Variants in TNRC6B observed in about 807,000 individuals in gnomAD.
The protein encoded by TNRC6B is trinucleotide repeat containing adaptor 6B.
Under a neutral mutation model 203.6 loss-of-function variants are expected in TNRC6B, and 52 were observed. That is an observed-to-expected ratio of 0.26 (90% CI 0.20 to 0.32). The LOEUF (loss-of-function observed/expected upper bound fraction) is 0.32, where lower values mean the gene tolerates loss of function less well. Ranked by LOEUF, TNRC6B falls within the 10% of genes least tolerant of loss-of-function variation. The pLI is 1.00. For missense variants in TNRC6B, 1,923 were observed against 2,286.2 expected, an observed-to-expected ratio of 0.84 and a Z score of 3.24; for synonymous variants, 838 against 845.7, an observed-to-expected ratio of 0.99 and a Z score of 0.16.
At chr22:40,278,696 A>G (rs1810740618) in intron 9 of TNRC6B, among the ~76,000 whole-genome samples, 1 of 152,132 alleles carries the variant, frequency 6.6e-6, no homozygotes, top group South Asian at 2.1e-4. Flanking sequence ...GTCTTTCAGC[A>G]GAGGCCAGAA....
chr22:40,071,539 C>A (rs2067947862), intron 1 of TNRC6B, among the ~76,000 whole-genome samples: 1 of 152,184 alleles, frequency 6.6e-6, no homozygotes. Context: ...GGAATATATA[C>A]TTATGATAAC....
intron 21 of TNRC6B, among the ~76,000 whole-genome samples, chr22:40,319,122 G>C (rs2071300210): frequency 6.6e-6 from 1 of 152,068 alleles, no homozygotes. Context: ...TGAATATGGG[G>C]GTGGCCGTGT....
At chr22:40,132,946 A>AAAT (rs1345632542) in intron 3 of TNRC6B, among the ~76,000 whole-genome samples, 2 of 68,554 alleles carry the variant, frequency 2.9e-5, no homozygotes, top group African/African-American at 8.7e-5. Context: ...TCTGTCTCAA[A>AAAT]AAAAAAAAAA....
chr22:40,334,835 G>A lies in TNRC6B; in HGVS notation c.*11594G>A, dbSNP rs1042071102. 10 of 152,430 alleles carry A rather than the reference G, an allele frequency of 6.6e-5. No individual in the cohort carries two copies. Among genetic ancestry groups the A allele is most frequent in the African/African-American group, 2.4e-4 (10 of 41,392 alleles). The allele number at this position is 152,430 out of a possible 1,614,324, so 9.4% of individuals were successfully genotyped here. ...CTCTCTTTGCCCCCTTTAGACAGAA[G>A]GTGCAGAAAAGGGCATCAAAAAGAG... On this transcript the variant is annotated 3_prime_UTR_variant, in exon 23 of 23. Transcript: ENST00000454349.
rs557002158 is a variant in TNRC6B, at chr22:40,106,687, G to A, written c.-120-10368G>A. 82 of 757,216 alleles carry A rather than the reference G, an allele frequency of 1.1e-4. No individual in the cohort carries two copies. In the African/African-American group the frequency reaches 1.2e-3, roughly 11 times the overall value. 46.9% of individuals were successfully genotyped at this position (757,216 alleles called of 1,614,324 possible). On this transcript the variant is annotated intron_variant, in intron 1 of 23. Transcript: ENST00000301923. ...TCCTCAGCATGTTAATTGAAGCCCT[G>A]TTGAGCTTCACAAACGTTCCATTGA...
At chr22:40,309,256 C>T (rs1398463399) in intron 16 of TNRC6B, among the ~76,000 whole-genome samples, 1 of 152,220 alleles carries the variant, frequency 6.6e-6, no homozygotes, top group Non-Finnish European at 1.5e-5. Flanking sequence ...CAGAACCTTC[C>T]TTCAGCCTTT....
intron 1 of TNRC6B, chr22:40,106,365 C>A: frequency 1.5e-5 from 18 of 1,212,346 alleles, no homozygotes; most frequent in Non-Finnish European, 1.9e-5. Context: ...CTTCTTGTTG[C>A]CAGCATCTCC....
chr22:40,229,042 C>T (rs546997239), intron 1 of TNRC6B, among the ~76,000 whole-genome samples: 5 of 152,090 alleles, frequency 3.3e-5, no homozygotes, highest in East Asian at 1.9e-4. Flanking sequence ...CAAGCAAAAC[C>T]GTAAGAATGG....
upstream of TNRC6B, among the ~76,000 whole-genome samples, chr22:40,174,608 C>T (rs1384305990): frequency 6.6e-6 from 1 of 152,004 alleles, no homozygotes; most frequent in Non-Finnish European, 1.5e-5. Context: ...ATGGCTGAGG[C>T]CGGCAGATCA....
In TNRC6B at chr22:40,329,165, C is replaced by T. The variant is rs1244759538; in HGVS notation, c.*5924C>T. 6.6e-6 allele frequency: 1 copy of T among 152,208 alleles called. No homozygotes were observed. The highest frequency in any genetic ancestry group is 1.5e-5 in the Non-Finnish European group (1 of 68,036). 9.4% of individuals were successfully genotyped at this position (152,208 alleles called of 1,614,324 possible). On this transcript the variant is annotated 3_prime_UTR_variant, in exon 23 of 23. Coordinates refer to ENST00000454349, the MANE Select transcript of TNRC6B (RefSeq NM_001162501.2). ...ATACAATGAATTGTCAGTCTTCAGA[C>T]CTCATGGTCGTTAAGAAAATAGGGA...
intron 1 of TNRC6B, among the ~76,000 whole-genome samples, chr22:40,046,612 A>C (rs535829361): frequency 3.5e-5 from 5 of 143,102 alleles, no homozygotes; most frequent in African/African-American, 1.2e-4. Context: ...GAAGCACTTA[A>C]ATTTTTTTTT....
chr22:40,055,962 CTAATT>C (rs1339537936), intron 1 of TNRC6B, among the ~76,000 whole-genome samples: 2 of 152,202 alleles, frequency 1.3e-5, no homozygotes, highest in Non-Finnish European at 2.9e-5. Context: ...TAACATTAAT[CTAATT>C]TAATTCTCAA....
chr22:40,284,169 C>T (rs1289018578), intron 11 of TNRC6B, among the ~76,000 whole-genome samples: 1 of 152,146 alleles, frequency 6.6e-6, no homozygotes, highest in Non-Finnish European at 1.5e-5. Flanking sequence ...TTCAACAACC[C>T]TTGGGGAGAC....
intron 1 of TNRC6B, among the ~76,000 whole-genome samples, chr22:40,110,541 C>A (rs2068323470): frequency 6.6e-6 from 1 of 152,180 alleles, no homozygotes; most frequent in South Asian, 2.1e-4. Flanking sequence ...CAAGCCTTTT[C>A]TGTTAAAGAA....
chr22:40,290,803 T>C (rs1457708460), intron 12 of TNRC6B, among the ~76,000 whole-genome samples: 3 of 152,134 alleles, frequency 2.0e-5, no homozygotes, highest in Non-Finnish European at 2.9e-5. Context: ...TATTTTGAGC[T>C]CGGTGACTAT....
chr22:40,224,666 G>A (rs1601898764), intron 1 of TNRC6B, among the ~76,000 whole-genome samples: 1 of 152,208 alleles, frequency 6.6e-6, no homozygotes, highest in East Asian at 1.9e-4. Context: ...AGAAAAATCA[G>A]CCACAGGTTT....
intron 3 of TNRC6B, among the ~76,000 whole-genome samples, chr22:40,126,179 C>T (rs2068491705): frequency 6.6e-6 from 1 of 152,198 alleles, no homozygotes; most frequent in African/African-American, 2.4e-5. Context: ...GGAGTCAAAG[C>T]TGGTCCCCTG....
At chr22:40,288,044 G>A (rs949270621) in intron 12 of TNRC6B, among the ~76,000 whole-genome samples, 1 of 152,208 alleles carries the variant, frequency 6.6e-6, no homozygotes, top group Non-Finnish European at 1.5e-5. Flanking sequence ...GCATTTGGGG[G>A]AAAGGCAGTT....
intron 1 of TNRC6B, among the ~76,000 whole-genome samples, chr22:40,046,940 C>T (rs2067694017): frequency 6.6e-6 from 1 of 152,086 alleles, no homozygotes. Context: ...CCACCGCGCC[C>T]GGCCTTAAAA....
Sources: gnomAD v4.1 joint callset for allele counts (sites outside exome capture counted in the v4.1 genomes callset) on GRCh38, gnomAD v4.1.1 for gene constraint, MANE v1.5 for transcripts, NCBI Gene and HGNC (gene_info 2026-07-23, HGNC 2026-07-21) for gene names.